The following NRXN3 variants were observed in gnomAD, a reference collection of about 807,000 sequenced individuals.
NRXN3 encodes the protein neurexin III.
In NRXN3, 32 loss-of-function variants were observed where a neutral mutation model predicts 137.6. The observed-to-expected ratio is 0.23, with a 90% CI of 0.18 to 0.31. The LOEUF is 0.31. Among genes scored for constraint, NRXN3 ranks in the 10% least tolerant of loss-of-function variants. NRXN3 has a pLI of 1.00. For synonymous variants in NRXN3, 798 were observed against 784.5 expected (o/e 1.02, Z -0.29); for missense variants, 1,574 against 2,062.5 (o/e 0.76, Z 4.59).
intron 15 of NRXN3, among the ~76,000 whole-genome samples, chr14:79,361,937 C>T (rs2093694360): frequency 6.6e-6 from 1 of 151,492 alleles, no homozygotes; most frequent in South Asian, 2.1e-4. Context: ...AGTGCTTTTA[C>T]AAATGTAAGA....
intron 10 of NRXN3, among the ~76,000 whole-genome samples, chr14:78,861,319 C>T (rs1194365765): frequency 6.6e-6 from 1 of 152,082 alleles, no homozygotes; most frequent in Non-Finnish European, 1.5e-5. Flanking sequence ...TATCTGTCTA[C>T]TCTTTCTATT....
At chr14:79,639,452 T>C (rs1342385166) in intron 16 of NRXN3, among the ~76,000 whole-genome samples, 1 of 152,220 alleles carries the variant, frequency 6.6e-6, no homozygotes, top group Non-Finnish European at 1.5e-5. Context: ...TGATTAGTTG[T>C]AGTTGAGTAC....
chr14:79,384,727 G>A (rs773043485), intron 15 of NRXN3, among the ~76,000 whole-genome samples: 10 of 152,196 alleles, frequency 6.6e-5, no homozygotes, highest in Non-Finnish European at 1.3e-4. Flanking sequence ...GGACTTAAAT[G>A]TTCACCTACA....
chr14:79,814,031 C>T (rs191938957), intron 20 of NRXN3, among the ~76,000 whole-genome samples: 4 of 152,352 alleles, frequency 2.6e-5, no homozygotes, highest in African/African-American at 7.2e-5. Flanking sequence ...TGGCCTCCAT[C>T]ACAAGTGCAT....
intron 16 of NRXN3, among the ~76,000 whole-genome samples, chr14:79,518,538 C>A (rs1245506164): frequency 5.3e-5 from 8 of 152,036 alleles, no homozygotes; most frequent in Non-Finnish European, 1.0e-4. Flanking sequence ...ACATGAAGAT[C>A]ATGAATTAAG....
At chr14:78,827,601 A>G (rs1298642361) in intron 10 of NRXN3, among the ~76,000 whole-genome samples, 1 of 152,260 alleles carries the variant, frequency 6.6e-6, no homozygotes, top group Non-Finnish European at 1.5e-5. Context: ...GCCATTCCTA[A>G]GGGCTGACAG....
At position 78,729,088 on chromosome 14, in the gene NRXN3, T is replaced by G. The variant is rs866941827; in HGVS notation, c.2044+13949T>G. On this transcript the variant is annotated intron_variant, in intron 8 of 20. Coordinates refer to ENST00000335750, the MANE Select transcript of NRXN3 (RefSeq NM_001330195.2). ...TGTAAAAATCTTGGCAAAATGCCTA[T>G]AATTTTGTAAGTGTTCAGTACATGG... 1.2e-3 allele frequency among the ~76,000 whole-genome samples: 188 copies of G among 152,378 alleles called. 1 individual carries two copies. Among genetic ancestry groups the G allele is most frequent in the African/African-American group, 4.1e-3 (171 of 41,598 alleles).
At chr14:78,403,977 G>A in intron 4 of NRXN3, 1 of 751,760 alleles carries the variant, frequency 1.3e-6, no homozygotes, top group Non-Finnish European at 1.6e-6. Context: ...TTTTATTGGT[G>A]CAAAGTGGTA....
At chr14:79,817,631 C>T (rs1475948706) in intron 20 of NRXN3, among the ~76,000 whole-genome samples, 1 of 152,140 alleles carries the variant, frequency 6.6e-6, no homozygotes, top group East Asian at 1.9e-4. Flanking sequence ...ATCAAGGTCA[C>T]ACAGCAAGGA....
chr14:79,640,016 A>G (rs1172430173), intron 16 of NRXN3, among the ~76,000 whole-genome samples: 1 of 87,838 alleles, frequency 1.1e-5, no homozygotes, highest in East Asian at 2.1e-4. Context: ...TTGTTGAGGC[A>G]GTTCATCTTG....
intron 2 of NRXN3, among the ~76,000 whole-genome samples, chr14:78,264,622 C>T (rs900498625): frequency 1.3e-5 from 2 of 152,212 alleles, no homozygotes; most frequent in Admixed American, 1.3e-4. Flanking sequence ...AGTGCCCGTT[C>T]ACGTGTTCTT....
At chr14:79,750,699 TGA>T (rs1265656649) in intron 19 of NRXN3, among the ~76,000 whole-genome samples, 1 of 152,170 alleles carries the variant, frequency 6.6e-6, no homozygotes, top group African/African-American at 2.4e-5. Context: ...TCTTATTGAC[TGA>T]GTCATACATC....
Position 79,451,532 on chromosome 14 carries a change from A to G in NRXN3, c.3263-15689A>G, listed in dbSNP as rs74613469. Among the ~76,000 whole-genome samples, 58 of 152,340 alleles carry G rather than the reference A, an allele frequency of 3.8e-4. 1 individual carries two copies. In the East Asian group the frequency reaches 9.7e-3, roughly 25 times the overall value. On this transcript the variant is annotated intron_variant, in intron 15 of 20. Transcript: ENST00000335750. Reference sequence around the variant, plus strand: ...GGAAATTGGGTCATCACTGGTTGTTACCAGTAAGAGGATCCCTTAGAGATA... The same window carrying G: ...GGAAATTGGGTCATCACTGGTTGTTGCCAGTAAGAGGATCCCTTAGAGATA...
chr14:79,208,187 C>T (rs1393798610), intron 15 of NRXN3, among the ~76,000 whole-genome samples: 1 of 152,136 alleles, frequency 6.6e-6, no homozygotes, highest in Non-Finnish European at 1.5e-5. Context: ...CAATTCAAAA[C>T]AATTTAAACT....
At chr14:79,475,892 T>G (rs1229800005) in intron 16 of NRXN3, among the ~76,000 whole-genome samples, 2 of 152,130 alleles carry the variant, frequency 1.3e-5, no homozygotes, top group African/African-American at 4.8e-5. Flanking sequence ...TCAAGCTAGC[T>G]GAATAAGTTC....
chr14:78,647,802 C>A (rs1566968388), intron 5 of NRXN3, among the ~76,000 whole-genome samples: 1 of 152,088 alleles, frequency 6.6e-6, no homozygotes, highest in African/African-American at 2.4e-5. Flanking sequence ...TTATTTTGTC[C>A]ATTAAAATAA....
chr14:78,179,793 A>G (rs1254342035), intron 1 of NRXN3, among the ~76,000 whole-genome samples: 1 of 144,372 alleles, frequency 6.9e-6, no homozygotes, highest in Non-Finnish European at 1.5e-5. Context: ...TCAGCATGTG[A>G]CATATATTTG....
intron 4 of NRXN3, among the ~76,000 whole-genome samples, chr14:78,406,814 A>G (rs2092516211): frequency 1.3e-5 from 2 of 152,164 alleles, no homozygotes; most frequent in Non-Finnish European, 2.9e-5. Context: ...AGAGGGTCTT[A>G]GTTTACTAAG....
intron 4 of NRXN3, among the ~76,000 whole-genome samples, chr14:78,406,176 G>A (rs2092470568): frequency 6.6e-6 from 1 of 152,202 alleles, no homozygotes. Flanking sequence ...TTTGAAGCAT[G>A]AGCAGATGAC....
Sources: gnomAD v4.1 joint callset for allele counts (sites outside exome capture counted in the v4.1 genomes callset) on GRCh38, gnomAD v4.1.1 for gene constraint, MANE v1.5 for transcripts, NCBI Gene and HGNC (gene_info 2026-07-23, HGNC 2026-07-21) for gene names.